Variants in ARHGAP18 observed in about 807,000 individuals in gnomAD.
ARHGAP18 encodes the protein rho GTPase-activating protein 18.
Under a neutral mutation model 86.2 loss-of-function variants are expected in ARHGAP18, and 67 were observed. The ratio of observed to expected loss-of-function variants is 0.78; its 90% CI spans 0.64 to 0.95. ARHGAP18 has a LOEUF of 0.95. Ranked by LOEUF, ARHGAP18 falls within the 40% of genes least tolerant of loss-of-function variation. ARHGAP18 has a pLI of 0.00. For missense variants in ARHGAP18, 691 were observed against 780.4 expected (o/e 0.89, Z 1.37); for synonymous variants, 283 against 280.4 (o/e 1.01, Z -0.09).
intron 7 of ARHGAP18, among the ~76,000 whole-genome samples, chr6:129,615,039 T>C (rs368375919): frequency 1.3e-5 from 2 of 152,092 alleles, no homozygotes; most frequent in East Asian, 3.8e-4. Flanking sequence ...TGTGAGCCAA[T>C]TAAAAAAAAA....
At chr6:129,637,789 G>A (rs762341248) in intron 3 of ARHGAP18, among the ~76,000 whole-genome samples, 33 of 152,274 alleles carry the variant, frequency 2.2e-4, no homozygotes, top group Non-Finnish European at 3.5e-4. Context: ...CGGTAGCACT[G>A]GAGTCTCTCT....
chr6:129,671,342 C>T (rs1774137562), intron 1 of ARHGAP18, among the ~76,000 whole-genome samples: 2 of 152,106 alleles, frequency 1.3e-5, no homozygotes, highest in African/African-American at 4.8e-5. Flanking sequence ...AGAAAACATT[C>T]TGCATGAGAA....
intron 5 of ARHGAP18, among the ~76,000 whole-genome samples, chr6:129,625,959 ATATT>A (rs1299057345): frequency 1.2e-5 from 1 of 86,352 alleles, no homozygotes; most frequent in Admixed American, 1.9e-4. Context: ...TATATATTAT[ATATT>A]TATATATTAT....
chr6:129,661,966 G>T lies in ARHGAP18; in HGVS notation c.114-19948C>A, dbSNP rs969538381. On this transcript the variant is annotated intron_variant, in intron 1 of 14. Transcript: ENST00000368149. ...CAGGTGACACTGTTGTCACTACCTG[G>T]TGTTGCCACACACACACACACACAC... The T allele has an allele frequency of 8.3e-6, 8 of 962,046 alleles. No individual in the cohort carries two copies. In the South Asian group the frequency reaches 3.8e-4, roughly 46 times the overall value. 59.6% of individuals were successfully genotyped at this position (962,046 alleles called of 1,614,324 possible). A position where few individuals can be genotyped will look rare whatever the true frequency, so the allele number is the denominator to read the frequency against.
At chr6:129,698,716 C>T (rs1774663118) in intron 1 of ARHGAP18, among the ~76,000 whole-genome samples, 3 of 118,404 alleles carry the variant, frequency 2.5e-5, no homozygotes, top group Non-Finnish European at 3.4e-5. Context: ...TTTTTTGAGA[C>T]GGAGTTTTGT....
chr6:129,645,514 T>TC (rs986986157), intron 1 of ARHGAP18, among the ~76,000 whole-genome samples: 1 of 152,158 alleles, frequency 6.6e-6, no homozygotes, highest in African/African-American at 2.4e-5. Flanking sequence ...CAGTGACCCC[T>TC]CCCTGACTTT....
chr6:129,626,311 T>G (rs894022027), intron 5 of ARHGAP18, among the ~76,000 whole-genome samples: 2 of 151,826 alleles, frequency 1.3e-5, no homozygotes, highest in South Asian at 4.1e-4. Context: ...CTGTGCATAG[T>G]GAGCTACCAG....
At chr6:129,672,812 T>C (rs954121524) in intron 1 of ARHGAP18, among the ~76,000 whole-genome samples, 33 of 152,260 alleles carry the variant, frequency 2.2e-4, no homozygotes, top group African/African-American at 2.2e-4. Flanking sequence ...AATCTGGTTC[T>C]TGTTAATATC....
intron 5 of ARHGAP18, among the ~76,000 whole-genome samples, chr6:129,626,065 T>TATACACAC (rs372412743): frequency 2.0e-5 from 2 of 101,532 alleles, no homozygotes; most frequent in South Asian, 3.2e-4. Context: ...TATACACATA[T>TATACACAC]ACACACACAC....
intron 5 of ARHGAP18, among the ~76,000 whole-genome samples, chr6:129,625,420 A>ATATATATTTTATATATCT (rs1491589525): frequency 3.5e-5 from 1 of 28,280 alleles, no homozygotes; most frequent in Non-Finnish European, 6.0e-5. Context: ...ATTATATATA[A>ATATATATTTTATATATCT]TATATATTAT....
In ARHGAP18 at chr6:129,599,279, T is replaced by C. The variant is rs769915140; in HGVS notation, c.1650A>G (p.Lys550=). The change falls in exon 12 of 15, where the codon AAA becomes AAG. Residue 550 remains lysine (K), a synonymous_variant. Coordinates refer to ENST00000368149, the MANE Select transcript of ARHGAP18 (RefSeq NM_033515.3). ...GGTCATAAGCCATTTTCTTCAGCAA[T>C]TTCTTCATGGCTCTTTTATCCTTTT... is the stretch of plus-strand genomic sequence containing the variant. ...NHKKDKRAMK[K]LLKKMAYDRE... 6.3e-7 allele frequency: 1 copy of C among 1,598,130 alleles called. No individual in the cohort carries two copies. The highest frequency in any genetic ancestry group is 8.5e-7 in the Non-Finnish European group (1 of 1,174,368).
rs1788204844 is a variant in ARHGAP18, at chr6:129,577,613, A to T, written c.*900T>A. 3 of 152,274 alleles carry T rather than the reference A, an allele frequency of 2.0e-5. No individual in the cohort carries two copies. In the South Asian group the frequency reaches 6.2e-4, roughly 32 times the overall value. The allele number at this position is 152,274 out of a possible 1,614,324, so 9.4% of individuals were successfully genotyped here. Reference sequence around the variant, plus strand: ...AAAAAAAAAATCCCTCTTTAAGTAAAATACATTCTTCAACCATTACTGGAT... The same window carrying T: ...AAAAAAAAAATCCCTCTTTAAGTAATATACATTCTTCAACCATTACTGGAT... On this transcript the variant is annotated 3_prime_UTR_variant, in exon 15 of 15. Transcript: ENST00000368149.
intron 12 of ARHGAP18, among the ~76,000 whole-genome samples, chr6:129,587,694 G>T (rs977726868): frequency 6.6e-6 from 1 of 151,952 alleles, no homozygotes; most frequent in East Asian, 1.9e-4. Flanking sequence ...GCAGCATAAG[G>T]GTTACCACCC....
At chr6:129,626,271 T>G (rs1789470407) in intron 5 of ARHGAP18, among the ~76,000 whole-genome samples, 1 of 151,160 alleles carries the variant, frequency 6.6e-6, no homozygotes, top group Admixed American at 6.6e-5. Context: ...CACCACTAAG[T>G]CAACAAAACA....
intron 1 of ARHGAP18, among the ~76,000 whole-genome samples, chr6:129,682,103 G>A (rs1046423822): frequency 2.0e-5 from 3 of 152,182 alleles, no homozygotes; most frequent in African/African-American, 4.8e-5. Flanking sequence ...AGGCTCACTG[G>A]AGATTCAGTT....
intron 8 of ARHGAP18, among the ~76,000 whole-genome samples, chr6:129,610,782 C>T (rs2114460650): frequency 6.6e-6 from 1 of 152,236 alleles, no homozygotes; most frequent in East Asian, 1.9e-4. Flanking sequence ...TGCCCAACAC[C>T]ATGCCTGGAT....
chr6:129,689,450 G>A (rs1774488127), intron 1 of ARHGAP18, among the ~76,000 whole-genome samples: 1 of 152,060 alleles, frequency 6.6e-6, no homozygotes. Flanking sequence ...GCACCTTCAT[G>A]AACGGCTAAT....
chr6:129,645,865 T>C (rs1397677670), intron 1 of ARHGAP18, among the ~76,000 whole-genome samples: 2 of 152,190 alleles, frequency 1.3e-5, no homozygotes, highest in African/African-American at 2.4e-5. Context: ...ATGTCCTCCA[T>C]GCTCTGTTTA....
At chr6:129,631,256 C>T (rs1773197923) in intron 4 of ARHGAP18, among the ~76,000 whole-genome samples, 1 of 152,130 alleles carries the variant, frequency 6.6e-6, no homozygotes, top group Non-Finnish European at 1.5e-5. Context: ...TCTTTCTTCT[C>T]ACCACCTCCA....
Sources: gnomAD v4.1 joint callset for allele counts (sites outside exome capture counted in the v4.1 genomes callset) on GRCh38, gnomAD v4.1.1 for gene constraint, MANE v1.5 for transcripts, NCBI Gene and HGNC (gene_info 2026-07-23, HGNC 2026-07-21) for gene names.